SLC24A3: variants seen among roughly 807,000 people sequenced by gnomAD.
SLC24A3 encodes sodium/potassium/calcium exchanger 3.
Under a neutral mutation model 75.8 loss-of-function variants are expected in SLC24A3, and 28 were observed. The observed-to-expected ratio is 0.37, with a 90% CI of 0.27 to 0.51. The LOEUF (loss-of-function observed/expected upper bound fraction) is 0.51. Among genes scored for constraint, SLC24A3 ranks in the 20% least tolerant of loss-of-function variants. The probability of loss-of-function intolerance (pLI) is 0.94; values close to 1 mark genes in which losing one functional copy is unlikely to be tolerated. For missense variants in SLC24A3, 663 were observed against 847.8 expected, an observed-to-expected ratio of 0.78 and a Z score of 2.71; for synonymous variants, 372 against 334.1, an observed-to-expected ratio of 1.11 and a Z score of -1.24.
At chr20:19,467,247 A>C (rs1443889038) in intron 2 of SLC24A3, among the ~76,000 whole-genome samples, 2 of 152,230 alleles carry the variant, frequency 1.3e-5, no homozygotes, top group Non-Finnish European at 2.9e-5. Context: ...GCAGATGTGC[A>C]ACATATATTT....
chr20:19,375,421 CTG>C (rs1456949246), intron 2 of SLC24A3, among the ~76,000 whole-genome samples: 1 of 152,164 alleles, frequency 6.6e-6, no homozygotes, highest in African/African-American at 2.4e-5. Context: ...CGGATCAGCA[CTG>C]TGTTTCTTAT....
chr20:19,302,869 C>T (rs1052259161), intron 2 of SLC24A3, among the ~76,000 whole-genome samples: 4 of 151,934 alleles, frequency 2.6e-5, no homozygotes, highest in Admixed American at 6.6e-5. Context: ...TTTTCAGTTC[C>T]CTGTTGTGGG....
chr20:19,465,756 C>T (rs1987754451), intron 2 of SLC24A3, among the ~76,000 whole-genome samples: 1 of 152,158 alleles, frequency 6.6e-6, no homozygotes, highest in Non-Finnish European at 1.5e-5. Context: ...CTCAGCAGTT[C>T]CTCTCTGTGA....
At chr20:19,232,784 C>T (rs1982059280) in intron 1 of SLC24A3, among the ~76,000 whole-genome samples, 1 of 152,232 alleles carries the variant, frequency 6.6e-6, no homozygotes, top group South Asian at 2.1e-4. Flanking sequence ...AGGGAATTCT[C>T]ACCTGGCATC....
chr20:19,713,678 C>T (rs919807883), intron 15 of SLC24A3, among the ~76,000 whole-genome samples: 1 of 152,098 alleles, frequency 6.6e-6, no homozygotes, highest in Non-Finnish European at 1.5e-5. Flanking sequence ...AGAAAAGAAG[C>T]AGCCTCGGGT....
At chr20:19,676,788 T>C (rs984708329) in intron 9 of SLC24A3, among the ~76,000 whole-genome samples, 2 of 152,194 alleles carry the variant, frequency 1.3e-5, no homozygotes, top group African/African-American at 4.8e-5. Flanking sequence ...GATTGCTTTC[T>C]GTACATCCCA....
At chr20:19,220,530 G>A (rs1981678040) in intron 1 of SLC24A3, among the ~76,000 whole-genome samples, 1 of 152,268 alleles carries the variant, frequency 6.6e-6, no homozygotes, top group Admixed American at 6.5e-5. Context: ...AGTCGATAAT[G>A]CCATGTTTAA....
At chr20:19,503,108 C>CT (rs1988411610) in intron 2 of SLC24A3, among the ~76,000 whole-genome samples, 1 of 151,744 alleles carries the variant, frequency 6.6e-6, no homozygotes, top group African/African-American at 2.4e-5. Flanking sequence ...GCTCCAAACT[C>CT]TGACAGGTCT....
intron 3 of SLC24A3, among the ~76,000 whole-genome samples, chr20:19,559,226 A>G (rs1204802669): frequency 6.6e-6 from 1 of 152,192 alleles, no homozygotes; most frequent in African/African-American, 2.4e-5. Context: ...AAATAATATG[A>G]ACATCTTTTC....
chr20:19,287,667 T>C (rs1344597395), intron 2 of SLC24A3, among the ~76,000 whole-genome samples: 7 of 152,250 alleles, frequency 4.6e-5, no homozygotes, highest in Non-Finnish European at 8.8e-5. Context: ...CTTTTCACCT[T>C]GTGGGGGTCA....
chr20:19,347,851 C>T (rs1165425438), intron 2 of SLC24A3, among the ~76,000 whole-genome samples: 1 of 152,182 alleles, frequency 6.6e-6, no homozygotes, highest in East Asian at 1.9e-4. Context: ...TCGGACTTCA[C>T]ATCTGCAAAG....
chr20:19,418,272 AGTT>A (rs1986859372), intron 2 of SLC24A3, among the ~76,000 whole-genome samples: 1 of 152,230 alleles, frequency 6.6e-6, no homozygotes, highest in South Asian at 2.1e-4. Context: ...GTCTAGGAGA[AGTT>A]GTTGCACCCA....
At chr20:19,707,438 C>T (rs925290954) in intron 15 of SLC24A3, among the ~76,000 whole-genome samples, 3 of 152,152 alleles carry the variant, frequency 2.0e-5, no homozygotes, top group African/African-American at 7.2e-5. Context: ...GGAAGTAAGT[C>T]GGGAAAGGCA....
intron 1 of SLC24A3, among the ~76,000 whole-genome samples, chr20:19,273,803 G>A (rs1219710551): frequency 6.6e-6 from 1 of 151,860 alleles, no homozygotes; most frequent in African/African-American, 2.4e-5. Context: ...TGTCCAATGG[G>A]CAAGGGGATG....
rs1423135924 is a variant in SLC24A3, at chr20:19,717,530, C to A, written c.1722C>A (p.Ile574=). The A allele has an allele frequency of 6.2e-7, 1 of 1,614,004 alleles. No individual in the cohort carries two copies. Among genetic ancestry groups the A allele is most frequent in the Non-Finnish European group, 8.5e-7 (1 of 1,179,896 alleles). Residue 574 remains isoleucine, a splice_region_variant and synonymous_variant, in exon 16 of 17, where the codon ATC becomes ATA. Coordinates refer to ENST00000328041, the MANE Select transcript of SLC24A3 (RefSeq NM_020689.4). ...CTAACTCTAACCCTCTCTTACAGAT[C>A]CGGCTGAATAGCAGGGGGCTGATCT... The part of the protein sequence containing the change: ...QTLAVDYGSY[I]RLNSRGLIYS...
At chr20:19,639,669 C>G (rs1038349307) in intron 6 of SLC24A3, among the ~76,000 whole-genome samples, 1 of 152,190 alleles carries the variant, frequency 6.6e-6, no homozygotes, top group Non-Finnish European at 1.5e-5. Context: ...GACTGGGTGC[C>G]GAGGAGCAGG....
chr20:19,484,438 T>C (rs757452178), intron 2 of SLC24A3, among the ~76,000 whole-genome samples: 7 of 152,202 alleles, frequency 4.6e-5, no homozygotes, highest in Non-Finnish European at 1.0e-4. Context: ...TTTGGAAGCA[T>C]TTCAGATTTC....
chr20:19,698,768 G>T, intron 15 of SLC24A3, 88 bp downstream of exon 15: 3 of 956,856 alleles, frequency 3.1e-6, no homozygotes, highest in Non-Finnish European at 4.8e-6. Context: ...TTTGTCTCGG[G>T]GAAAAAGGGG....
At chr20:19,631,824 A>G (rs3058450) in intron 6 of SLC24A3, among the ~76,000 whole-genome samples, 15,960 of 92,190 alleles carry the variant, frequency 0.17, 2,404 homozygotes, top group African/African-American at 0.46. Context: ...GTGTGTGTGT[A>G]TGTAACCACA....
Sources: gnomAD v4.1 joint callset for allele counts (sites outside exome capture counted in the v4.1 genomes callset) on GRCh38, gnomAD v4.1.1 for gene constraint, MANE v1.5 for transcripts, NCBI Gene and HGNC (gene_info 2026-07-23, HGNC 2026-07-21) for gene names.